SLC3A1: variants seen among roughly 807,000 people sequenced by gnomAD.
The protein encoded by SLC3A1 is solute carrier family 3 member 1, also known as amino acid transporter heavy chain SLC3A1.
A neutral mutation model predicts 60.3 loss-of-function variants in SLC3A1; 78 were observed. That is an observed-to-expected ratio of 1.29 (90% CI 1.08 to 1.56). The LOEUF is 1.56. Ranked by LOEUF, SLC3A1 falls within the 40% of genes most tolerant of loss-of-function variation. The pLI is 0.00. For missense variants in SLC3A1, 1,172 were observed against 858.9 expected (o/e 1.36, Z -4.56); for synonymous variants, 392 against 307.9 (o/e 1.27, Z -2.86).
chr2:44,305,782 C>T (rs976095714), intron 7 of SLC3A1, among the ~76,000 whole-genome samples: 1 of 152,006 alleles, frequency 6.6e-6, no homozygotes, highest in Non-Finnish European at 1.5e-5. Flanking sequence ...TCTTTAGTCT[C>T]GATAATCCTC....
At chr2:44,282,063 G>T (rs1671511619) in intron 3 of SLC3A1, among the ~76,000 whole-genome samples, 1 of 151,980 alleles carries the variant, frequency 6.6e-6, no homozygotes. Context: ...GTAGAGGTAG[G>T]GTTTCACCAT....
intron 4 of SLC3A1, among the ~76,000 whole-genome samples, chr2:44,296,985 T>G (rs1414346355): frequency 6.6e-6 from 1 of 152,210 alleles, no homozygotes; most frequent in Non-Finnish European, 1.5e-5. Flanking sequence ...TCCCCAGCCC[T>G]GTGAAACTGT....
chr2:44,285,312 A>G (rs1046021080), intron 3 of SLC3A1: 1 of 165,842 alleles, frequency 6.0e-6, no homozygotes, highest in Non-Finnish European at 1.3e-5. Flanking sequence ...CCCAGTTGTT[A>G]AATGTTTTCC....
chr2:44,312,762 A>T lies in SLC3A1; in HGVS notation c.1500+9A>T. 1 of 1,607,582 alleles carries T rather than the reference A, an allele frequency of 6.2e-7. No homozygotes were observed. The highest frequency in any genetic ancestry group is 8.5e-7 in the Non-Finnish European group (1 of 1,174,536). ...ATGAAAGCTATGATATTGTAAGTTG[A>T]ATACAACTTGACTATTCATCACAGC... is the stretch of plus-strand genomic sequence containing the variant. On this transcript the variant is annotated intron_variant, in intron 8 of 9. Transcript: ENST00000260649.
chr2:44,296,588 G>T (rs955394180), intron 4 of SLC3A1, among the ~76,000 whole-genome samples: 1 of 152,142 alleles, frequency 6.6e-6, no homozygotes, highest in Admixed American at 6.5e-5. Context: ...ATTGATTCAA[G>T]CTTCACCATT....
chr2:44,306,450 T>C (rs1200143233), intron 7 of SLC3A1, among the ~76,000 whole-genome samples: 1 of 152,150 alleles, frequency 6.6e-6, no homozygotes, highest in African/African-American at 2.4e-5. Flanking sequence ...GGCTCAAATT[T>C]TTAGGCATGG....
intron 7 of SLC3A1, among the ~76,000 whole-genome samples, chr2:44,307,960 A>G (rs1672199448): frequency 6.6e-6 from 1 of 152,102 alleles, no homozygotes; most frequent in African/African-American, 2.4e-5. Flanking sequence ...TTGGATTATC[A>G]TGGAATCTTT....
intron 9 of SLC3A1, among the ~76,000 whole-genome samples, chr2:44,317,330 C>T (rs1350248636): frequency 2.6e-5 from 4 of 152,026 alleles, no homozygotes; most frequent in South Asian, 4.1e-4. Context: ...GGCATAGTGG[C>T]ACACACCTGT....
downstream of SLC3A1, chr2:44,321,749 G>T: frequency 6.2e-7 from 1 of 1,612,016 alleles, no homozygotes; most frequent in Non-Finnish European, 8.5e-7. Flanking sequence ...TCATAAACCT[G>T]CTGCAACCAC....
intron 4 of SLC3A1, among the ~76,000 whole-genome samples, chr2:44,289,717 G>A (rs1162679563): frequency 2.0e-5 from 3 of 151,860 alleles, no homozygotes; most frequent in African/African-American, 4.8e-5. Context: ...TGCAACCTCC[G>A]CCTCCTGGGT....
Position 44,321,450 on chromosome 2 carries a change from A to G in SLC3A1, c.*811A>G. On this transcript the variant is annotated 3_prime_UTR_variant, in exon 10 of 10. Coordinates refer to ENST00000260649, the MANE Select transcript of SLC3A1 (RefSeq NM_000341.4). ...GAATTTAATTTGGGCTGTAATCTAAAAGAAACACATTAAAAAAATTAAATA... is the reference window on the plus strand; with the variant it reads ...GAATTTAATTTGGGCTGTAATCTAAGAGAAACACATTAAAAAAATTAAATA... 1.2e-6 allele frequency: 2 copies of G among 1,610,574 alleles called. No homozygotes were observed. The highest frequency in any genetic ancestry group is 1.7e-4 in the Middle Eastern group (1 of 6,044).
intron 4 of SLC3A1, among the ~76,000 whole-genome samples, chr2:44,298,507 A>G (rs1377110791): frequency 6.6e-6 from 1 of 152,108 alleles, no homozygotes; most frequent in African/African-American, 2.4e-5. Context: ...CCTCCCAAGT[A>G]GCTGGGACTA....
At chr2:44,309,948 G>T (rs918895369) in intron 7 of SLC3A1, among the ~76,000 whole-genome samples, 5 of 151,694 alleles carry the variant, frequency 3.3e-5, no homozygotes, top group African/African-American at 1.2e-4. Flanking sequence ...CTGGAGCACT[G>T]TGGTGTGAAC....
intron 9 of SLC3A1, among the ~76,000 whole-genome samples, chr2:44,315,603 T>C (rs769210343): frequency 7.2e-6 from 1 of 139,348 alleles, no homozygotes; most frequent in Non-Finnish European, 1.5e-5. Context: ...TTGCAGTGAG[T>C]TGTGATTACC....
chr2:44,313,279 T>C (rs1278508656), intron 8 of SLC3A1, among the ~76,000 whole-genome samples: 1 of 152,224 alleles, frequency 6.6e-6, no homozygotes, highest in African/African-American at 2.4e-5. Flanking sequence ...TTCAGAATTG[T>C]GTTGCTGGGT....
chr2:44,293,249 T>A (rs1671776943), intron 4 of SLC3A1, among the ~76,000 whole-genome samples: 1 of 152,176 alleles, frequency 6.6e-6, no homozygotes, highest in Non-Finnish European at 1.5e-5. Flanking sequence ...CTGGGCACAG[T>A]GGCTTATGCC....
At chr2:44,311,732 A>G (rs1672302502) in intron 7 of SLC3A1, among the ~76,000 whole-genome samples, 1 of 151,750 alleles carries the variant, frequency 6.6e-6, no homozygotes, top group African/African-American at 2.4e-5. Flanking sequence ...TTAAAAAAAA[A>G]AAAACCCAAC....
intron 3 of SLC3A1, among the ~76,000 whole-genome samples, chr2:44,282,027 A>G (rs1671510797): frequency 6.6e-6 from 1 of 152,076 alleles, no homozygotes; most frequent in Non-Finnish European, 1.5e-5. Flanking sequence ...GCGCGTCATC[A>G]TACTCGGCTA....
chr2:44,301,188 C>T, intron 6 of SLC3A1, 61 bp downstream of exon 6: 2 of 1,598,374 alleles, frequency 1.3e-6, no homozygotes. Flanking sequence ...GCAGTGTATC[C>T]CTCACAACCA....
Sources: gnomAD v4.1 joint callset for allele counts (sites outside exome capture counted in the v4.1 genomes callset) on GRCh38, gnomAD v4.1.1 for gene constraint, MANE v1.5 for transcripts, NCBI Gene and HGNC (gene_info 2026-07-23, HGNC 2026-07-21) for gene names.